SND1: variants seen among roughly 807,000 people sequenced by gnomAD.
The protein encoded by SND1 is staphylococcal nuclease and tudor domain containing 1, also known as staphylococcal nuclease domain-containing protein 1.
In SND1, 38 loss-of-function variants were observed where a neutral mutation model predicts 121.7. That is an observed-to-expected ratio of 0.31 (90% CI 0.24 to 0.41). SND1 has a LOEUF of 0.41. Ranked by LOEUF, SND1 falls within the 10% of genes least tolerant of loss-of-function variation. SND1 has a pLI of 1.00. For synonymous variants in SND1, 401 were observed against 447.4 expected (o/e 0.90, Z 1.31); for missense variants, 868 against 1,184.6 (o/e 0.73, Z 3.92).
At chr7:127,866,954 A>G (rs1200135463) in intron 12 of SND1, among the ~76,000 whole-genome samples, 2 of 152,170 alleles carry the variant, frequency 1.3e-5, no homozygotes, top group African/African-American at 4.8e-5. Flanking sequence ...TGTTCTGCCT[A>G]CATGCTCTAG....
At chr7:127,781,881 A>T (rs1797730085) in intron 10 of SND1, among the ~76,000 whole-genome samples, 1 of 152,258 alleles carries the variant, frequency 6.6e-6, no homozygotes, top group South Asian at 2.1e-4. Flanking sequence ...ATCGTTTCAT[A>T]GAGGGGAAGC....
At position 127,941,641 on chromosome 7, in the gene SND1, C is replaced by A. The variant is rs555189346; in HGVS notation, c.1669+12312C>A. On this transcript the variant is annotated intron_variant, in intron 15 of 23. Coordinates refer to ENST00000354725, the MANE Select transcript of SND1 (RefSeq NM_014390.4). Reference sequence around the variant, plus strand: ...TTCTCTGTGTGTGTTTTGGATGCAGCCCCTGTGCTAGGCATGCGGTTATTA... The same window carrying A: ...TTCTCTGTGTGTGTTTTGGATGCAGACCCTGTGCTAGGCATGCGGTTATTA... 1.4e-3 allele frequency among the ~76,000 whole-genome samples: 206 copies of A among 152,220 alleles called. 1 individual carries two copies. Among genetic ancestry groups the A allele is most frequent in the Middle Eastern group, 6.8e-3 (2 of 294 alleles).
intron 15 of SND1, among the ~76,000 whole-genome samples, chr7:127,984,193 T>C (rs187095476): frequency 1.3e-5 from 2 of 152,326 alleles, no homozygotes; most frequent in East Asian, 3.9e-4. Flanking sequence ...GAGTGAGAAT[T>C]GTTTTCCTCC....
At chr7:128,032,387 C>A (rs1161952603) in intron 16 of SND1, among the ~76,000 whole-genome samples, 2 of 150,814 alleles carry the variant, frequency 1.3e-5, no homozygotes, top group Non-Finnish European at 3.0e-5. Context: ...GGCGAGCGGG[C>A]GAGCGAGCCG....
At chr7:127,926,843 A>T (rs377173182) in intron 14 of SND1, among the ~76,000 whole-genome samples, 1 of 151,810 alleles carries the variant, frequency 6.6e-6, no homozygotes, top group Non-Finnish European at 1.5e-5. Flanking sequence ...TGCCTGCCTC[A>T]GCCTCCCAAA....
chr7:127,882,929 C>T (rs920510130), intron 12 of SND1, among the ~76,000 whole-genome samples: 6 of 152,138 alleles, frequency 3.9e-5, no homozygotes, highest in Admixed American at 3.3e-4. Flanking sequence ...AGGGACCTAA[C>T]AACCTTGGAA....
intron 13 of SND1, among the ~76,000 whole-genome samples, chr7:127,902,072 C>T (rs1800243388): frequency 6.6e-6 from 1 of 152,194 alleles, no homozygotes; most frequent in Non-Finnish European, 1.5e-5. Context: ...CACAGAGCTA[C>T]TTTGTGGTCA....
chr7:128,038,946 G>A (rs1397229708), intron 16 of SND1, among the ~76,000 whole-genome samples: 2 of 152,164 alleles, frequency 1.3e-5, no homozygotes, highest in African/African-American at 4.8e-5. Flanking sequence ...AAATGCCCCA[G>A]TGTCTTCCTC....
intron 10 of SND1, among the ~76,000 whole-genome samples, chr7:127,756,457 T>C (rs1797197057): frequency 6.6e-6 from 1 of 152,226 alleles, no homozygotes; most frequent in South Asian, 2.1e-4. Flanking sequence ...GATCACAAAT[T>C]AGAAAATAAT....
At chr7:127,725,454 A>G (rs1226172725) in intron 10 of SND1, among the ~76,000 whole-genome samples, 1 of 152,218 alleles carries the variant, frequency 6.6e-6, no homozygotes, top group Non-Finnish European at 1.5e-5. Context: ...TCTGCAAGGC[A>G]CAGCATGGGT....
At chr7:127,974,466 G>A (rs1256906372) in intron 15 of SND1, among the ~76,000 whole-genome samples, 5 of 152,186 alleles carry the variant, frequency 3.3e-5, no homozygotes, top group Admixed American at 1.3e-4. Flanking sequence ...TTGGAGCAGC[G>A]ATTTCATTGC....
chr7:127,812,530 G>A (rs1185356683), intron 11 of SND1, among the ~76,000 whole-genome samples: 1 of 152,202 alleles, frequency 6.6e-6, no homozygotes, highest in Non-Finnish European at 1.5e-5. Context: ...CTTGGCATAG[G>A]TGTGACTTCT....
chr7:127,852,032 T>C (rs916583419), intron 12 of SND1, among the ~76,000 whole-genome samples: 8 of 151,948 alleles, frequency 5.3e-5, no homozygotes, highest in South Asian at 2.1e-4. Context: ...TAGTGATGCA[T>C]GTCTGTTATC....
At chr7:127,806,122 G>A (rs1798233894) in intron 10 of SND1, among the ~76,000 whole-genome samples, 1 of 152,128 alleles carries the variant, frequency 6.6e-6, no homozygotes, top group Non-Finnish European at 1.5e-5. Flanking sequence ...TAGGCTTCTG[G>A]GAGGGAAACA....
chr7:127,692,353 A>G (rs1396607479), intron 2 of SND1: 3 of 152,220 alleles, frequency 2.0e-5, no homozygotes, highest in Non-Finnish European at 2.9e-5. Context: ...CTTAAAAGCC[A>G]CTTGCTTCTT....
chr7:127,747,529 T>C (rs983668767), intron 10 of SND1, among the ~76,000 whole-genome samples: 5 of 152,168 alleles, frequency 3.3e-5, no homozygotes, highest in African/African-American at 7.2e-5. Context: ...TGAAGGAAAA[T>C]TGGAGTCAGA....
chr7:127,857,056 C>T (rs924629714), intron 12 of SND1, among the ~76,000 whole-genome samples: 3 of 152,044 alleles, frequency 2.0e-5, no homozygotes, highest in African/African-American at 7.2e-5. Context: ...CCCTTCCTTT[C>T]CAAAGAGAAG....
chr7:128,041,391 A>G (rs996232680), intron 16 of SND1, among the ~76,000 whole-genome samples: 2 of 152,122 alleles, frequency 1.3e-5, no homozygotes, highest in South Asian at 4.2e-4. Flanking sequence ...CAAACAACCA[A>G]TGGGTGAATT....
chr7:127,800,585 A>G (rs750341516), intron 10 of SND1, among the ~76,000 whole-genome samples: 1 of 152,220 alleles, frequency 6.6e-6, no homozygotes, highest in Non-Finnish European at 1.5e-5. Flanking sequence ...GTGATCAAAG[A>G]AGCTTTGGAG....
Sources: allele counts gnomAD v4.1 joint callset (sites outside exome capture counted in the v4.1 genomes callset), GRCh38; gene constraint gnomAD v4.1.1; transcripts MANE v1.5; gene names NCBI Gene and HGNC (gene_info 2026-07-23, HGNC 2026-07-21).